DOCK8: variants seen among roughly 807,000 people sequenced by gnomAD.
DOCK8 encodes the protein dedicator of cytokinesis 8.
DOCK8 carries 141 observed loss-of-function variants against 245.6 expected under a neutral mutation model. The ratio of observed to expected loss-of-function variants is 0.57; its 90% confidence interval spans 0.50 to 0.66. The LOEUF (loss-of-function observed/expected upper bound fraction) is 0.66. Among genes scored for constraint, DOCK8 ranks in the 30% least tolerant of loss-of-function variants. The pLI, the probability that DOCK8 is intolerant of heterozygous loss-of-function variation, is 0.00. For missense variants in DOCK8, 2,965 were observed against 2,603.4 expected, an observed-to-expected ratio of 1.14 and a Z score of -3.02; for synonymous variants, 1,168 against 970.2, an observed-to-expected ratio of 1.20 and a Z score of -3.79.
At chr9:377,859 C>G (rs562048637) in intron 20 of DOCK8, among the ~76,000 whole-genome samples, 4 of 152,172 alleles carry the variant, frequency 2.6e-5, no homozygotes, top group Non-Finnish European at 5.9e-5. Context: ...GTACATTTTC[C>G]CTTAGAAATA....
chr9:404,232 G>A (rs903885305), intron 26 of DOCK8, among the ~76,000 whole-genome samples: 2 of 151,688 alleles, frequency 1.3e-5, no homozygotes, highest in Admixed American at 6.6e-5. Flanking sequence ...GAAGCAAGGG[G>A]TCTCTTCCAG....
chr9:217,148 T>C (rs2046775112), intron 1 of DOCK8, among the ~76,000 whole-genome samples: 1 of 152,192 alleles, frequency 6.6e-6, no homozygotes, highest in Admixed American at 6.6e-5. Flanking sequence ...AAATGTCTTG[T>C]TAATGATTTT....
chr9:304,015 C>G (rs757115510), intron 4 of DOCK8, among the ~76,000 whole-genome samples: 1 of 152,184 alleles, frequency 6.6e-6, no homozygotes, highest in African/African-American at 2.4e-5. Context: ...CAGGGCTAGA[C>G]ATTCTGTTTT....
At chr9:273,058 C>G in intron 2 of DOCK8, 1 of 985,382 alleles carries the variant, frequency 1.0e-6, no homozygotes, top group Non-Finnish European at 1.2e-6. Flanking sequence ...CATTTTGTCT[C>G]CTGTAACAAT....
At chr9:290,155 A>G (rs947584018) in intron 4 of DOCK8, among the ~76,000 whole-genome samples, 1 of 152,258 alleles carries the variant, frequency 6.6e-6, no homozygotes, top group East Asian at 1.9e-4. Context: ...TATTTTAAAC[A>G]TAAAGAATAG....
intron 24 of DOCK8, among the ~76,000 whole-genome samples, chr9:391,821 C>CTTTTTTTTTTTTTTTTTTTTTTT: frequency 8.6e-6 from 1 of 116,310 alleles, no homozygotes; most frequent in Non-Finnish European, 1.8e-5. Flanking sequence ...TTAAGTGAAT[C>CTTTTTTTTTTTTTTTTTTTTTTT]TTTTTTTTTT....
chr9:376,296 A>G lies in DOCK8; in HGVS notation c.2196A>G (p.Val732=), dbSNP rs749072371. The G allele has an allele frequency of 1.2e-6, 2 of 1,609,996 alleles. No individual in the cohort carries two copies. The highest frequency in any genetic ancestry group is 4.5e-5 in the East Asian group (2 of 44,866). ...FNIEVQAVSS[V]HTQDNHLEKF... ...TTGAAGTGCAAGCTGTTTCTTCTGTACACACCCAGGTAAGGAATGTCAAGG... is the reference window on the plus strand; with the variant it reads ...TTGAAGTGCAAGCTGTTTCTTCTGTGCACACCCAGGTAAGGAATGTCAAGG... Residue 732 remains valine, a synonymous_variant, in exon 19 of 48, where the codon GTA becomes GTG. Transcript: ENST00000432829.
At chr9:400,023 C>CACCGCCACCA (rs1388193541) in intron 26 of DOCK8, among the ~76,000 whole-genome samples, 1 of 125,396 alleles carries the variant, frequency 8.0e-6, no homozygotes, top group African/African-American at 3.7e-5. Flanking sequence ...TCACCACCAC[C>CACCGCCACCA]TCCACCATCA....
In DOCK8 at chr9:250,652, G is replaced by T. The variant is rs1242416884; in HGVS notation, c.54-20975G>T. Reference sequence around the variant, plus strand: ...CATTTGGGAGTAAACAACATGTAAGGGGCCTACACGGGTGGAAAGCCCATT... The same window carrying T: ...CATTTGGGAGTAAACAACATGTAAGTGGCCTACACGGGTGGAAAGCCCATT... On this transcript the variant is annotated intron_variant, in intron 1 of 47. Coordinates refer to ENST00000432829, the MANE Select transcript of DOCK8 (RefSeq NM_203447.4). 4.6e-5 allele frequency among the ~76,000 whole-genome samples: 7 copies of T among 152,108 alleles called. No homozygotes were observed. In the East Asian group the frequency reaches 1.2e-3, roughly 25 times the overall value.
chr9:415,088 T>G, intron 29 of DOCK8, 137 bp downstream of exon 29: 1 of 1,219,528 alleles, frequency 8.2e-7, no homozygotes, highest in Non-Finnish European at 1.2e-6. Context: ...TCTCCAAACC[T>G]CTTTAACACT....
Position 415,500 on chromosome 9 carries a change from TGAAAG to T in DOCK8, c.3700+552_3700+556del, listed in dbSNP as rs200956829. 8.0e-4 allele frequency among the ~76,000 whole-genome samples: 121 copies of T among 152,186 alleles called. 3 individuals carry two copies. The East Asian group carries it at 0.022, about 27-fold the overall frequency. On this transcript the variant is annotated intron_variant, in intron 29 of 47. Transcript: ENST00000432829. ...TAATATGTCTAGATTAGCAACAAGA[TGAAAG>T]GATAAGTTGTCTTAAAGGGGTTTTG... is the stretch of plus-strand genomic sequence containing the variant.
Position 390,490 on chromosome 9 carries a change from C to T in DOCK8, c.2894C>T (p.Ala965Val). Residue 965 changes from alanine (A) to valine (V), a missense_variant, in exon 24 of 48, where the codon GCC becomes GTC. Physicochemically the swap from Ala to Val is moderately conservative, Grantham distance 64. This residue lies in a region of DOCK8 where 2,825 missense variants were observed against 2,453.5 expected (regional missense o/e 1.15). Coordinates refer to ENST00000432829, the MANE Select transcript of DOCK8 (RefSeq NM_203447.4). ...ATTTAGCATTTCCATGAGGAGCTTG[C>T]CCTTCAGATGGTGGTCAGCACCGGA... is the stretch of plus-strand genomic sequence containing the variant. ...ASKKHFHEEL[A>V]LQMVVSTGMV... The T allele has an allele frequency of 1.2e-6, 2 of 1,614,154 alleles. No individual in the cohort carries two copies. The highest frequency in any genetic ancestry group is 1.7e-6 in the Non-Finnish European group (2 of 1,179,996).
intron 23 of DOCK8, among the ~76,000 whole-genome samples, chr9:386,806 C>T (rs1224286189): frequency 6.6e-6 from 1 of 152,208 alleles, no homozygotes. Flanking sequence ...CTGCATTGGC[C>T]TCCTTTTAGT....
rs1413178712 is a variant in DOCK8, at chr9:399,211, C to G, written c.3186C>G (p.Leu1062=). The G allele has an allele frequency of 1.2e-6, 2 of 1,613,940 alleles. No homozygotes were observed. Among genetic ancestry groups the G allele is most frequent in the Non-Finnish European group, 1.7e-6 (2 of 1,180,008 alleles). The stretch of plus-strand genomic sequence containing the variant: ...TCTTCTTGTATGACCTTCTCTCCCT[C>G]ATGGATCGGGGCTTTGTGTTTAACC... ...LAFFLYDLLS[L]MDRGFVFNLI... Residue 1062 remains leucine (L), a synonymous_variant, in exon 26 of 48, where the codon CTC becomes CTG. Coordinates refer to ENST00000432829, the MANE Select transcript of DOCK8 (RefSeq NM_203447.4).
intron 6 of DOCK8, among the ~76,000 whole-genome samples, chr9:313,653 C>T (rs930040930): frequency 1.3e-5 from 2 of 152,122 alleles, no homozygotes; most frequent in African/African-American, 2.4e-5. Context: ...AAGTCTCAGG[C>T]GGGAGGAATA....
chr9:363,035 A>T (rs2052801300), intron 14 of DOCK8, among the ~76,000 whole-genome samples: 1 of 152,224 alleles, frequency 6.6e-6, no homozygotes, highest in African/African-American at 2.4e-5. Context: ...CAGTTTAAAA[A>T]TAAGTTGAGG....
chr9:355,087 G>C (rs2052357098), intron 14 of DOCK8, among the ~76,000 whole-genome samples: 1 of 152,076 alleles, frequency 6.6e-6, no homozygotes, highest in South Asian at 2.1e-4. Context: ...GGAGGAATAT[G>C]GGGGTAGGAG....
Position 445,454 on chromosome 9 carries a change from G to A in DOCK8, c.5581-916G>A, listed in dbSNP as rs566879751. Reference sequence around the variant, plus strand: ...TGTCGTCTTTAATGAGTACTTATTCGCTCTGTGTTTGAGGGTGGAGGTGAT... The same window carrying A: ...TGTCGTCTTTAATGAGTACTTATTCACTCTGTGTTTGAGGGTGGAGGTGAT... On this transcript the variant is annotated intron_variant, in intron 43 of 47. Coordinates refer to ENST00000432829, the MANE Select transcript of DOCK8 (RefSeq NM_203447.4). 4.9e-4 allele frequency among the ~76,000 whole-genome samples: 75 copies of A among 152,212 alleles called. 1 individual carries two copies. Among genetic ancestry groups the A allele is most frequent in the South Asian group, 1.5e-3 (7 of 4,820 alleles).
At chr9:283,452 A>G (rs1323868039) in intron 2 of DOCK8, among the ~76,000 whole-genome samples, 1 of 152,166 alleles carries the variant, frequency 6.6e-6, no homozygotes, top group Non-Finnish European at 1.5e-5. Context: ...TGCTACATGA[A>G]TATACTGCAT....
Sources: allele counts gnomAD v4.1 joint callset (sites outside exome capture counted in the v4.1 genomes callset), GRCh38; gene constraint gnomAD v4.1.1; regional missense constraint gnomAD v4.1.1; transcripts MANE v1.5; gene names NCBI Gene and HGNC (gene_info 2026-07-23, HGNC 2026-07-21).